ASIC2: variants seen among roughly 807,000 people sequenced by gnomAD.
The protein encoded by ASIC2 is acid-sensing ion channel 2.
Under a neutral mutation model 57.3 loss-of-function variants are expected in ASIC2, and 25 were observed. The ratio of observed to expected loss-of-function variants is 0.44; its 90% CI spans 0.32 to 0.61. The LOEUF (loss-of-function observed/expected upper bound fraction) is 0.61, where lower values mean the gene tolerates loss of function less well. Among genes scored for constraint, ASIC2 ranks in the 20% least tolerant of loss-of-function variants. ASIC2 has a pLI of 0.06. For synonymous variants in ASIC2, 319 were observed against 307.5 expected (o/e 1.04, Z -0.39); for missense variants, 641 against 738.1 (o/e 0.87, Z 1.52).
At chr17:33,619,913 A>G (rs967435501) in intron 1 of ASIC2, among the ~76,000 whole-genome samples, 5 of 152,200 alleles carry the variant, frequency 3.3e-5, no homozygotes, top group African/African-American at 1.2e-4. Flanking sequence ...TGAGAGAGCA[A>G]TTGCGTCTCA....
chr17:33,717,308 C>T (rs1909253731), intron 1 of ASIC2, among the ~76,000 whole-genome samples: 1 of 152,204 alleles, frequency 6.6e-6, no homozygotes, highest in South Asian at 2.1e-4. Context: ...TTTCTTCCCG[C>T]TCAAAATATA....
At position 33,198,016 on chromosome 17, in the gene ASIC2, T is replaced by TA. The variant is rs1289631279; in HGVS notation, c.709-85950dup. ...CTGGGAACATTATTTAACCTTGTAA[T>TA]ACTGGGTTTCCTCCTTTGTAAACTG... On this transcript the variant is annotated intron_variant, in intron 1 of 9. Transcript: ENST00000225823. 2.0e-5 allele frequency among the ~76,000 whole-genome samples: 3 copies of TA among 152,200 alleles called. No individual in the cohort carries two copies. In the East Asian group the frequency reaches 5.8e-4, roughly 29 times the overall value.
chr17:33,610,067 C>T (rs1431046755), intron 1 of ASIC2, among the ~76,000 whole-genome samples: 1 of 151,708 alleles, frequency 6.6e-6, no homozygotes, highest in Admixed American at 6.6e-5. Flanking sequence ...CACACACACA[C>T]ACACACACAC....
At chr17:34,021,837 G>GTTTTTTTT (rs11394863) in intron 1 of ASIC2, among the ~76,000 whole-genome samples, 4 of 118,338 alleles carry the variant, frequency 3.4e-5, no homozygotes, top group African/African-American at 6.2e-5. Context: ...GTTTTGTTTT[G>GTTTTTTTT]TTTTTTTTTT....
At chr17:33,109,980 C>T (rs1265688136) in intron 2 of ASIC2, among the ~76,000 whole-genome samples, 2 of 152,150 alleles carry the variant, frequency 1.3e-5, no homozygotes, top group African/African-American at 2.4e-5. Flanking sequence ...AAGGCCATAT[C>T]CCACAGGGAA....
intron 1 of ASIC2, among the ~76,000 whole-genome samples, chr17:33,320,680 T>C (rs1171449762): frequency 6.6e-6 from 1 of 152,206 alleles, no homozygotes; most frequent in Non-Finnish European, 1.5e-5. Context: ...TGTGGAACTC[T>C]TAAGCCATGA....
intron 1 of ASIC2, among the ~76,000 whole-genome samples, chr17:33,635,513 C>T (rs1323635600): frequency 6.6e-6 from 1 of 152,166 alleles, no homozygotes; most frequent in East Asian, 1.9e-4. Context: ...CATAGCAACA[C>T]CAGTGAAAGC....
chr17:33,498,244 GA>G (rs1393623296), intron 1 of ASIC2, among the ~76,000 whole-genome samples: 1 of 152,162 alleles, frequency 6.6e-6, no homozygotes, highest in East Asian at 1.9e-4. Flanking sequence ...CTCCCACCAG[GA>G]ACTGTTGAGC....
chr17:33,521,351 C>T (rs1914736378), intron 1 of ASIC2, among the ~76,000 whole-genome samples: 1 of 152,172 alleles, frequency 6.6e-6, no homozygotes, highest in African/African-American at 2.4e-5. Flanking sequence ...GGATAATGCG[C>T]CTGCCACTCG....
intron 1 of ASIC2, among the ~76,000 whole-genome samples, chr17:33,420,013 G>T (rs1477801191): frequency 6.6e-6 from 1 of 152,228 alleles, no homozygotes; most frequent in Non-Finnish European, 1.5e-5. Flanking sequence ...GTTGGGAGTG[G>T]TGATGAGGGA....
chr17:33,047,905 G>A (rs1387422634), intron 3 of ASIC2, among the ~76,000 whole-genome samples: 2 of 152,182 alleles, frequency 1.3e-5, no homozygotes, highest in Non-Finnish European at 2.9e-5. Flanking sequence ...TACCTCAGGA[G>A]TTCAAAGTCA....
intron 1 of ASIC2, among the ~76,000 whole-genome samples, chr17:33,315,788 A>G (rs570944885): frequency 1.4e-4 from 21 of 152,314 alleles, no homozygotes; most frequent in African/African-American, 4.8e-4. Flanking sequence ...GTTTCTTTTG[A>G]CCTTTGCCAT....
At chr17:33,178,582 T>A (rs981252661) in intron 1 of ASIC2, among the ~76,000 whole-genome samples, 7 of 152,080 alleles carry the variant, frequency 4.6e-5, no homozygotes, top group Admixed American at 2.6e-4. Flanking sequence ...TTGAACTGAG[T>A]CTTGAGGTCA....
chr17:33,283,055 C>G (rs900195921), intron 1 of ASIC2, among the ~76,000 whole-genome samples: 1 of 152,224 alleles, frequency 6.6e-6, no homozygotes, highest in Non-Finnish European at 1.5e-5. Flanking sequence ...GACTGACACC[C>G]CAGCTAGGCC....
chr17:33,427,446 A>G (rs1011399401), intron 1 of ASIC2, among the ~76,000 whole-genome samples: 1 of 152,210 alleles, frequency 6.6e-6, no homozygotes, highest in Admixed American at 6.5e-5. Flanking sequence ...AATAAACACT[A>G]ATAAGTCTTG....
chr17:34,098,557 G>A (rs2142095606), intron 1 of ASIC2, among the ~76,000 whole-genome samples: 2 of 152,278 alleles, frequency 1.3e-5, no homozygotes, highest in South Asian at 2.1e-4. Context: ...TCACAGGCTG[G>A]TGATGCTTTT....
chr17:34,100,653 T>C (rs1457205514), intron 1 of ASIC2, among the ~76,000 whole-genome samples: 1 of 152,146 alleles, frequency 6.6e-6, no homozygotes, highest in Non-Finnish European at 1.5e-5. Flanking sequence ...GGGCCATCCA[T>C]CCCTGAGAGG....
intron 1 of ASIC2, among the ~76,000 whole-genome samples, chr17:33,920,488 T>A (rs1915685702): frequency 6.6e-6 from 1 of 152,092 alleles, no homozygotes. Context: ...TTCTCACTTA[T>A]ATGGGGAGGT....
At chr17:33,914,369 G>A (rs1915537613) in intron 1 of ASIC2, among the ~76,000 whole-genome samples, 1 of 152,196 alleles carries the variant, frequency 6.6e-6, no homozygotes, top group Non-Finnish European at 1.5e-5. Context: ...GCCTCTGTGA[G>A]TCAGTTGGGG....
Sources: gnomAD v4.1 joint callset for allele counts (sites outside exome capture counted in the v4.1 genomes callset) on GRCh38, gnomAD v4.1.1 for gene constraint, MANE v1.5 for transcripts, NCBI Gene and HGNC (gene_info 2026-07-23, HGNC 2026-07-21) for gene names.